The following HMGCLL1 variants were observed in gnomAD, a reference collection of about 807,000 sequenced individuals.
HMGCLL1 encodes 3-hydroxymethyl-3-methylglutaryl-CoA lyase, cytoplasmic.
In HMGCLL1, 36 loss-of-function variants were observed where a neutral mutation model predicts 39.1. That is an observed-to-expected ratio of 0.92 (90% CI 0.71 to 1.22). HMGCLL1 has a LOEUF of 1.22. Among genes scored for constraint, HMGCLL1 ranks in the 50% most tolerant of loss-of-function variants. HMGCLL1 has a pLI of 0.00. For missense variants in HMGCLL1, 451 were observed against 416.5 expected, an observed-to-expected ratio of 1.08 and a Z score of -0.72; for synonymous variants, 149 against 144.0, an observed-to-expected ratio of 1.03 and a Z score of -0.25.
chr6:55,492,633 A>G (rs187261502), intron 7 of HMGCLL1, among the ~76,000 whole-genome samples: 1 of 152,322 alleles, frequency 6.6e-6, no homozygotes, highest in East Asian at 1.9e-4. Flanking sequence ...AAAGCTCTAC[A>G]TCTCTGCTTT....
At chr6:55,471,216 C>T (rs1372142674) in intron 7 of HMGCLL1, among the ~76,000 whole-genome samples, 1 of 151,800 alleles carries the variant, frequency 6.6e-6, no homozygotes, top group East Asian at 1.9e-4. Context: ...CCACCCATTA[C>T]TGGGTTTTTC....
intron 7 of HMGCLL1, among the ~76,000 whole-genome samples, chr6:55,491,535 T>C (rs144758716): frequency 6.6e-6 from 1 of 152,292 alleles, no homozygotes; most frequent in African/African-American, 2.4e-5. Flanking sequence ...ATATTGCCTG[T>C]TCTTTGTCTT....
intron 1 of HMGCLL1, among the ~76,000 whole-genome samples, chr6:55,555,208 A>G (rs1393187688): frequency 6.6e-6 from 1 of 152,092 alleles, no homozygotes; most frequent in African/African-American, 2.4e-5. Flanking sequence ...ATTATTTGCC[A>G]TTTCTTGAAC....
intron 7 of HMGCLL1, among the ~76,000 whole-genome samples, chr6:55,440,074 T>C (rs1763531983): frequency 6.6e-6 from 1 of 152,120 alleles, no homozygotes; most frequent in African/African-American, 2.4e-5. Context: ...CAAATCTTTA[T>C]TGAGACATTC....
the HMGCLL1 span, among the ~76,000 whole-genome samples, chr6:55,663,724 T>G: frequency 6.6e-6 from 1 of 151,776 alleles, no homozygotes; most frequent in African/African-American, 2.4e-5. Context: ...GTCCTGAATA[T>G]TTTTGTTAAT....
the HMGCLL1 span, among the ~76,000 whole-genome samples, chr6:55,660,200 G>T: frequency 1.3e-5 from 2 of 151,710 alleles, no homozygotes; most frequent in Non-Finnish European, 1.5e-5. Context: ...ACAAGAAAAA[G>T]CCAGGTACAA....
At chr6:55,453,978 T>C (rs540073809) in intron 7 of HMGCLL1, among the ~76,000 whole-genome samples, 1 of 152,314 alleles carries the variant, frequency 6.6e-6, no homozygotes, top group East Asian at 1.9e-4. Flanking sequence ...TGAAAATCAT[T>C]ATAGACATAG....
At chr6:55,668,964 C>T in the HMGCLL1 span, among the ~76,000 whole-genome samples, 5 of 151,618 alleles carry the variant, frequency 3.3e-5, no homozygotes, top group Admixed American at 1.3e-4. Context: ...TGAGGACTAA[C>T]CCATTTCTTT....
intron 4 of HMGCLL1, among the ~76,000 whole-genome samples, chr6:55,514,433 C>G (rs2127436481): frequency 6.6e-6 from 1 of 152,180 alleles, no homozygotes; most frequent in South Asian, 2.1e-4. Context: ...GGCACAAAAA[C>G]ACAATGAGGA....
chr6:55,610,868 G>A, the HMGCLL1 span, among the ~76,000 whole-genome samples: 1 of 152,038 alleles, frequency 6.6e-6, no homozygotes, highest in Non-Finnish European at 1.5e-5. Context: ...AGAAGAGAGT[G>A]GGGACCAATA....
chr6:55,511,021 G>A (rs1767431797), intron 5 of HMGCLL1, among the ~76,000 whole-genome samples: 1 of 151,642 alleles, frequency 6.6e-6, no homozygotes, highest in Non-Finnish European at 1.5e-5. Context: ...ATATATTAAA[G>A]TACTACTTCA....
intron 1 of HMGCLL1, among the ~76,000 whole-genome samples, chr6:55,555,170 TCCTTTG>T (rs1197982416): frequency 6.6e-6 from 1 of 152,180 alleles, no homozygotes; most frequent in Non-Finnish European, 1.5e-5. Flanking sequence ...CTCCCACTCA[TCCTTTG>T]CCTCTGTTGA....
At chr6:55,501,266 G>A (rs990141343) in intron 5 of HMGCLL1, among the ~76,000 whole-genome samples, 10 of 151,772 alleles carry the variant, frequency 6.6e-5, no homozygotes, top group African/African-American at 2.4e-4. Flanking sequence ...AGCAGAGGTT[G>A]GTACACTAAG....
chr6:55,664,119 T>C, the HMGCLL1 span, among the ~76,000 whole-genome samples: 1 of 151,870 alleles, frequency 6.6e-6, no homozygotes, highest in Non-Finnish European at 1.5e-5. Flanking sequence ...CTTGCGTTTT[T>C]ATGCAGCCTG....
chr6:55,504,769 G>T (rs1458764096), intron 5 of HMGCLL1, among the ~76,000 whole-genome samples: 2 of 151,548 alleles, frequency 1.3e-5, no homozygotes, highest in African/African-American at 2.4e-5. Context: ...GCTATTTCTT[G>T]TATGAATTAA....
At chr6:55,600,002 T>C in the HMGCLL1 span, among the ~76,000 whole-genome samples, 1 of 152,222 alleles carries the variant, frequency 6.6e-6, no homozygotes, top group Non-Finnish European at 1.5e-5. Flanking sequence ...GAAATTAAAG[T>C]AATTGTTATA....
At chr6:55,626,999 C>T in the HMGCLL1 span, among the ~76,000 whole-genome samples, 1 of 135,676 alleles carries the variant, frequency 7.4e-6, no homozygotes, top group South Asian at 2.5e-4. Context: ...CCAGTCAAGA[C>T]TACAAATGAC....
At chr6:55,558,069 C>T (rs933857924) in intron 1 of HMGCLL1, among the ~76,000 whole-genome samples, 4 of 152,064 alleles carry the variant, frequency 2.6e-5, no homozygotes, top group African/African-American at 4.8e-5. Flanking sequence ...AGGAAAGGTC[C>T]GCAAAATGAT....
At chr6:55,641,954 T>A in the HMGCLL1 span, among the ~76,000 whole-genome samples, 3 of 144,868 alleles carry the variant, frequency 2.1e-5, no homozygotes, top group Non-Finnish European at 3.0e-5. Flanking sequence ...CATGTGCACA[T>A]TGTGCAGGTT....
Sources: gnomAD v4.1 joint callset for allele counts (sites outside exome capture counted in the v4.1 genomes callset) on GRCh38, gnomAD v4.1.1 for gene constraint, MANE v1.5 for transcripts, NCBI Gene and HGNC (gene_info 2026-07-23, HGNC 2026-07-21) for gene names.